STK33: variants seen among roughly 807,000 people sequenced by gnomAD.
STK33 encodes serine/threonine-protein kinase 33.
In STK33, 52 loss-of-function variants were observed where a neutral mutation model predicts 58.0. The observed-to-expected ratio is 0.90, with a 90% CI of 0.72 to 1.13. STK33 has a LOEUF of 1.13. STK33 is among the 50% of genes most tolerant of loss of function. STK33 has a pLI of 0.00. For missense variants in STK33, 630 were observed against 604.2 expected (o/e 1.04, Z -0.45); for synonymous variants, 215 against 200.1 (o/e 1.07, Z -0.63).
chr11:8,368,097 G>T, the STK33 span, among the ~76,000 whole-genome samples: 1 of 152,072 alleles, frequency 6.6e-6, no homozygotes, highest in Non-Finnish European at 1.5e-5. Context: ...AGCAGCAGAG[G>T]GCGGGATCCT....
the STK33 span, among the ~76,000 whole-genome samples, chr11:8,349,557 A>G: frequency 6.6e-6 from 1 of 152,120 alleles, no homozygotes; most frequent in Non-Finnish European, 1.5e-5. Context: ...CTTTGAGGTG[A>G]ATGTGCCTCT....
rs1409509662 is a variant in STK33, at chr11:8,400,648, G to A, written c.1345-7938C>T. On this transcript the variant is annotated intron_variant, in intron 15 of 15. Transcript: ENST00000687296. ...AATCAGGCAGGAGAAGGAAATAAAG[G>A]GTATTCAATTAGGAAAAGAGGAAGT... Among the ~76,000 whole-genome samples the A allele has an allele frequency of 1.8e-3, 276 of 152,178 alleles. 7 individuals are homozygous for A. Among genetic ancestry groups the A allele is most frequent in the Non-Finnish European group, 2.4e-4 (16 of 68,014 alleles).
chr11:8,440,613 C>A, intron 12 of STK33, 65 bp downstream of exon 12: 1 of 1,333,092 alleles, frequency 7.5e-7, no homozygotes, highest in South Asian at 1.5e-5. Flanking sequence ...AATTTAAAGT[C>A]TATATCACTC....
chr11:8,416,993 G>T (rs1941231468), intron 14 of STK33, among the ~76,000 whole-genome samples: 1 of 152,048 alleles, frequency 6.6e-6, no homozygotes, highest in African/African-American at 2.4e-5. Flanking sequence ...AATAATAAGT[G>T]GTCCACAACA....
chr11:8,508,620 A>G (rs550195288), intron 1 of STK33, among the ~76,000 whole-genome samples: 1 of 152,080 alleles, frequency 6.6e-6, no homozygotes, highest in Non-Finnish European at 1.5e-5. Context: ...AACTCTTGTC[A>G]CAACACCCCT....
intron 1 of STK33, among the ~76,000 whole-genome samples, chr11:8,516,416 A>G (rs1186225625): frequency 6.6e-6 from 1 of 152,224 alleles, no homozygotes; most frequent in East Asian, 1.9e-4. Context: ...TCCAGTCTGC[A>G]GCTCCCAGCG....
chr11:8,426,153 T>C (rs1193130299), intron 14 of STK33, among the ~76,000 whole-genome samples: 1 of 152,184 alleles, frequency 6.6e-6, no homozygotes, highest in African/African-American at 2.4e-5. Context: ...CAAGGTTTTA[T>C]TGAGTGGAGG....
the STK33 span, among the ~76,000 whole-genome samples, chr11:8,360,358 C>A: frequency 6.6e-6 from 1 of 152,220 alleles, no homozygotes; most frequent in Non-Finnish European, 1.5e-5. Context: ...TCATCTCTAA[C>A]CATCAAAGGA....
chr11:8,373,791 G>C, the STK33 span, among the ~76,000 whole-genome samples: 1 of 152,274 alleles, frequency 6.6e-6, no homozygotes, highest in African/African-American at 2.4e-5. Context: ...CTGGAAAAAT[G>C]TAAGTGGGTG....
At chr11:8,500,862 C>T (rs1227025158) in intron 1 of STK33, among the ~76,000 whole-genome samples, 2 of 152,130 alleles carry the variant, frequency 1.3e-5, no homozygotes, top group African/African-American at 4.8e-5. Flanking sequence ...ATTGAGAGTC[C>T]AGAAATGAGA....
At chr11:8,340,077 T>G in the STK33 span, among the ~76,000 whole-genome samples, 2 of 152,228 alleles carry the variant, frequency 1.3e-5, no homozygotes, top group South Asian at 2.1e-4. Flanking sequence ...AGTGCGTTCA[T>G]AAACAGCATA....
intron 1 of STK33, among the ~76,000 whole-genome samples, chr11:8,568,276 A>G (rs765498213): frequency 7.9e-5 from 12 of 152,212 alleles, no homozygotes; most frequent in Non-Finnish European, 1.6e-4. Context: ...TATTCAATGT[A>G]AACATGAACT....
intron 1 of STK33, among the ~76,000 whole-genome samples, chr11:8,514,682 T>C (rs926055499): frequency 2.6e-5 from 4 of 152,356 alleles, no homozygotes; most frequent in Middle Eastern, 3.4e-3. Flanking sequence ...GGACTGGTTA[T>C]ACCCACAGGC....
intron 15 of STK33, among the ~76,000 whole-genome samples, chr11:8,407,216 C>T (rs1390994316): frequency 2.0e-5 from 3 of 152,030 alleles, no homozygotes; most frequent in East Asian, 1.9e-4. Flanking sequence ...TTATGATATG[C>T]TATTCTTTTA....
chr11:8,356,022 G>A, the STK33 span, among the ~76,000 whole-genome samples: 6 of 152,188 alleles, frequency 3.9e-5, no homozygotes, highest in African/African-American at 9.6e-5. Context: ...AAAAGCTGAC[G>A]GGAAAGAAAC....
chr11:8,552,793 T>C (rs1956393459), intron 1 of STK33, among the ~76,000 whole-genome samples: 1 of 152,120 alleles, frequency 6.6e-6, no homozygotes, highest in Admixed American at 6.6e-5. Flanking sequence ...CTGAAGGACC[T>C]GCCTGAGGCT....
intron 1 of STK33, among the ~76,000 whole-genome samples, chr11:8,497,065 A>G (rs1036274934): frequency 6.6e-6 from 1 of 152,156 alleles, no homozygotes; most frequent in Admixed American, 6.5e-5. Context: ...TTAATTCCAC[A>G]TATTACAAAC....
At chr11:8,376,702 T>A in the STK33 span, among the ~76,000 whole-genome samples, 1 of 151,948 alleles carries the variant, frequency 6.6e-6, no homozygotes, top group Non-Finnish European at 1.5e-5. Context: ...CCACCATGCC[T>A]GGCCAGTTTT....
chr11:8,447,316 T>G (rs1318462551), intron 11 of STK33, among the ~76,000 whole-genome samples: 1 of 150,552 alleles, frequency 6.6e-6, no homozygotes, highest in Non-Finnish European at 1.5e-5. Context: ...TACCAAAGCC[T>G]GGCAGAGACA....
Sources: gnomAD v4.1 joint callset for allele counts (sites outside exome capture counted in the v4.1 genomes callset) on GRCh38, gnomAD v4.1.1 for gene constraint, MANE v1.5 for transcripts, NCBI Gene and HGNC (gene_info 2026-07-23, HGNC 2026-07-21) for gene names.